APBA2: variants seen among roughly 807,000 people sequenced by gnomAD.
APBA2 encodes amyloid beta precursor protein binding family A member 2.
Under a neutral mutation model 75.0 loss-of-function variants are expected in APBA2, and 30 were observed. The ratio of observed to expected loss-of-function variants is 0.40; its 90% CI spans 0.30 to 0.54. The LOEUF (loss-of-function observed/expected upper bound fraction) is 0.54, where lower values mean the gene tolerates loss of function less well. APBA2 is among the 20% of genes least tolerant of loss of function. The pLI, the probability that APBA2 is intolerant of heterozygous loss-of-function variation, is 0.49. For missense variants in APBA2, 801 were observed against 1,016.1 expected, an observed-to-expected ratio of 0.79 and a Z score of 2.88; for synonymous variants, 444 against 409.6, an observed-to-expected ratio of 1.08 and a Z score of -1.01.
intron 3 of APBA2, among the ~76,000 whole-genome samples, chr15:29,038,960 C>T (rs370297894): frequency 6.6e-6 from 1 of 152,160 alleles, no homozygotes; most frequent in Admixed American, 6.5e-5. Flanking sequence ...GTGTGAGCCA[C>T]TACGCCTGGC....
intron 2 of APBA2, among the ~76,000 whole-genome samples, chr15:28,970,993 T>C (rs1001943096): frequency 4.6e-5 from 7 of 152,224 alleles, no homozygotes; most frequent in Admixed American, 3.9e-4. Context: ...CTAAGCTACA[T>C]AGAATCCCCT....
At chr15:29,008,411 A>G (rs569641438) in intron 3 of APBA2, among the ~76,000 whole-genome samples, 1 of 152,290 alleles carries the variant, frequency 6.6e-6, no homozygotes, top group African/African-American at 2.4e-5. Context: ...ATTTTACCAC[A>G]ATTTTTTTTT....
chr15:28,940,797 A>G (rs182143984), intron 2 of APBA2, among the ~76,000 whole-genome samples: 97 of 152,280 alleles, frequency 6.4e-4, no homozygotes, highest in African/African-American at 2.3e-3. Context: ...TACAAGTTGA[A>G]CCTAAATGCT....
intron 3 of APBA2, among the ~76,000 whole-genome samples, chr15:29,036,502 C>T (rs1383409755): frequency 6.6e-6 from 1 of 152,060 alleles, no homozygotes; most frequent in Non-Finnish European, 1.5e-5. Flanking sequence ...GAAACCTGGT[C>T]GGGTGGTGGG....
At chr15:29,116,552 C>G (rs143531657) in intron 14 of APBA2, among the ~76,000 whole-genome samples, 5 of 150,252 alleles carry the variant, frequency 3.3e-5, no homozygotes, top group African/African-American at 9.8e-5. Context: ...GACATGAACC[C>G]GGGGGGCAGA....
At chr15:29,025,990 G>A (rs959543618) in intron 3 of APBA2, among the ~76,000 whole-genome samples, 8 of 151,304 alleles carry the variant, frequency 5.3e-5, no homozygotes, top group Non-Finnish European at 1.2e-4. Context: ...CAGAGATGGC[G>A]GGCTGGATAA....
chr15:28,960,165 A>AG (rs1200325468), intron 2 of APBA2, among the ~76,000 whole-genome samples: 2 of 151,402 alleles, frequency 1.3e-5, no homozygotes, highest in East Asian at 3.9e-4. Flanking sequence ...AAAAAAAAAA[A>AG]AAAGACACTT....
chr15:28,971,884 C>T (rs1259237894), intron 2 of APBA2, among the ~76,000 whole-genome samples: 2 of 152,022 alleles, frequency 1.3e-5, no homozygotes, highest in Non-Finnish European at 2.9e-5. Context: ...AGCGTCCATA[C>T]AATATTACTG....
At chr15:29,010,739 T>C (rs2039361936) in intron 3 of APBA2, among the ~76,000 whole-genome samples, 1 of 152,202 alleles carries the variant, frequency 6.6e-6, no homozygotes, top group African/African-American at 2.4e-5. Flanking sequence ...CCTAAGAACA[T>C]GAAAACAACA....
At chr15:28,912,317 CAT>C (rs1249134240) in intron 1 of APBA2, among the ~76,000 whole-genome samples, 9 of 152,278 alleles carry the variant, frequency 5.9e-5, no homozygotes, top group African/African-American at 2.2e-4. Flanking sequence ...TGGATTAGGA[CAT>C]GTGGGTTATT....
chr15:28,926,114 G>T (rs2034246998), intron 2 of APBA2, among the ~76,000 whole-genome samples: 1 of 152,044 alleles, frequency 6.6e-6, no homozygotes, highest in African/African-American at 2.4e-5. Flanking sequence ...TGAGACTTGT[G>T]TTTTTTATCC....
intron 3 of APBA2, among the ~76,000 whole-genome samples, chr15:29,033,671 G>A (rs926726171): frequency 6.6e-6 from 1 of 152,046 alleles, no homozygotes; most frequent in African/African-American, 2.4e-5. Flanking sequence ...ACAAAAGAAG[G>A]AACACCTGGC....
chr15:28,927,191 T>G (rs191548501), intron 2 of APBA2, among the ~76,000 whole-genome samples: 22 of 152,208 alleles, frequency 1.4e-4, no homozygotes, highest in African/African-American at 4.8e-4. Flanking sequence ...TGGTTTCTGA[T>G]GAGAAGTGGG....
At chr15:29,063,308 T>C (rs2042224338) in intron 4 of APBA2, among the ~76,000 whole-genome samples, 2 of 131,492 alleles carry the variant, frequency 1.5e-5, no homozygotes, top group Non-Finnish European at 3.3e-5. Flanking sequence ...AGTGTCTGTA[T>C]GGGTGATGCG....
chr15:29,087,740 C>T (rs900406182), intron 6 of APBA2, among the ~76,000 whole-genome samples: 7 of 151,172 alleles, frequency 4.6e-5, no homozygotes, highest in Admixed American at 2.6e-4. Flanking sequence ...TGCCTCCTTT[C>T]CCCACTCCAG....
At chr15:28,962,221 T>C (rs1412952195) in intron 2 of APBA2, among the ~76,000 whole-genome samples, 2 of 152,184 alleles carry the variant, frequency 1.3e-5, no homozygotes, top group Non-Finnish European at 2.9e-5. Context: ...ATTCTAGTTA[T>C]CTTTGATAAT....
intron 14 of APBA2, among the ~76,000 whole-genome samples, chr15:29,116,492 G>T (rs1158030153): frequency 6.6e-6 from 1 of 151,964 alleles, no homozygotes; most frequent in Non-Finnish European, 1.5e-5. Context: ...GCTGGGTGTG[G>T]TGGCGGGCAC....
In APBA2 at chr15:29,055,011, C is replaced by T. The variant is rs201954541; in HGVS notation, c.951+176C>T. On this transcript the variant is annotated intron_variant, in intron 4 of 14. Transcript: ENST00000683413. ...TGGGAGACATGTTGCGTGGATGCTC[C>T]GGCCACTCTTAAGCTCACCGCTCAG... Among the ~76,000 whole-genome samples the T allele has an allele frequency of 5.4e-3, 705 of 131,660 alleles. 2 individuals are homozygous for T. Among genetic ancestry groups the T allele is most frequent in the Middle Eastern group, 0.011 (3 of 278 alleles). The allele number at this position is 131,660 out of a possible 152,430, so 86.4% of individuals were successfully genotyped here.
In APBA2 at chr15:29,045,245, A is replaced by ATT. The variant is rs35591033; in HGVS notation, c.-40-8583_-40-8582dup. On this transcript the variant is annotated intron_variant, in intron 3 of 14. Coordinates refer to ENST00000683413, the MANE Select transcript of APBA2 (RefSeq NM_001353788.2). Reference sequence around the variant, plus strand: ...AGGTGCACGCCACCATGCCTGGCTAATTTTTTTTTTTTTTTTTTGTATTTT... The same window carrying ATT: ...AGGTGCACGCCACCATGCCTGGCTAATTTTTTTTTTTTTTTTTTTTGTATTTT... Among the ~76,000 whole-genome samples, 488 of 134,334 alleles carry ATT rather than the reference A, an allele frequency of 3.6e-3. 10 individuals are homozygous for ATT. The highest frequency in any genetic ancestry group is 0.013 in the African/African-American group (455 of 35,548). 88.1% of individuals were successfully genotyped at this position (134,334 alleles called of 152,430 possible). A position where few individuals can be genotyped will look rare whatever the true frequency, so the allele number is the denominator to read the frequency against.
Sources: gnomAD v4.1 joint callset for allele counts (sites outside exome capture counted in the v4.1 genomes callset) on GRCh38, gnomAD v4.1.1 for gene constraint, MANE v1.5 for transcripts, NCBI Gene and HGNC (gene_info 2026-07-23, HGNC 2026-07-21) for gene names.